Variants in SPC25 observed in about 807,000 individuals in gnomAD.
SPC25 encodes SPC25 component of NDC80 kinetochore complex.
Under a neutral mutation model 29.6 loss-of-function variants are expected in SPC25, and 22 were observed. That is an observed-to-expected ratio of 0.74 (90% confidence interval 0.53 to 1.06). SPC25 has a LOEUF of 1.06. Ranked by LOEUF, SPC25 falls within the 50% of genes least tolerant of loss-of-function variation. The pLI is 0.00. For missense variants in SPC25, 230 were observed against 255.8 expected, an observed-to-expected ratio of 0.90 and a Z score of 0.69; for synonymous variants, 91 against 90.4, an observed-to-expected ratio of 1.01 and a Z score of -0.04.
In SPC25 at chr2:168,877,366, T is replaced by TTA. The variant is rs755152932; in HGVS notation, c.216_217dup (p.Lys73IlefsTer12). ...GTTATCCTTTTTTTCTTGAATGAGCTTATTTTGCCTGCTGATCTCTGTAAG... is the reference window on the plus strand; with the variant it reads ...GTTATCCTTTTTTTCTTGAATGAGCTTATATTTTGCCTGCTGATCTCTGTAAG... On this transcript the variant is annotated frameshift_variant, in exon 4 of 7. Coordinates refer to ENST00000282074, the MANE Select transcript of SPC25 (RefSeq NM_020675.4). LOFTEE classifies it high-confidence loss of function. The TTA allele has an allele frequency of 6.2e-7, 1 of 1,613,786 alleles. No individual in the cohort carries two copies. The highest frequency in any genetic ancestry group is 8.5e-7 in the Non-Finnish European group (1 of 1,179,850).
rs550667926 is a variant in SPC25 at position 168,889,309 on chromosome 2, C to A, written c.134-18G>T. ...CAGCTTTTCTGAAAGAGAAATTGAA[C>A]TTTCAATTCAGCTGCAATAACACTA... is the stretch of plus-strand genomic sequence containing the variant. On this transcript the variant is annotated intron_variant, in intron 2 of 6. Transcript: ENST00000282074. 31 of 1,613,472 alleles carry A rather than the reference C, an allele frequency of 1.9e-5. No individual in the cohort carries two copies. Among genetic ancestry groups the A allele is most frequent in the Admixed American group, 8.3e-5 (5 of 59,952 alleles).
chr2:168,882,220 T>C (rs947280645), intron 3 of SPC25, among the ~76,000 whole-genome samples: 4 of 152,254 alleles, frequency 2.6e-5, no homozygotes, highest in Admixed American at 2.6e-4. Flanking sequence ...AAATCCAAAA[T>C]AAATTCTTTA....
At chr2:168,864,658 G>A (rs1458043875) in intron 4 of SPC25, among the ~76,000 whole-genome samples, 1 of 152,222 alleles carries the variant, frequency 6.6e-6, no homozygotes, top group Non-Finnish European at 1.5e-5. Context: ...GTATCCTCTG[G>A]ATTATGCCTG....
At chr2:168,886,583 G>A (rs376558200) in intron 3 of SPC25, among the ~76,000 whole-genome samples, 4 of 151,000 alleles carry the variant, frequency 2.6e-5, no homozygotes, top group South Asian at 2.1e-4. Context: ...GCAGTGGCGC[G>A]ATCTGGGCTC....
At chr2:168,862,048 G>A (rs777318269) in intron 4 of SPC25, 2 of 1,613,454 alleles carry the variant, frequency 1.2e-6, no homozygotes, top group Non-Finnish European at 1.7e-6. Context: ...ATTTGGAAAA[G>A]GGTAAGAATC....
At chr2:168,889,762 G>T (rs1382906264) in intron 1 of SPC25, among the ~76,000 whole-genome samples, 1 of 152,146 alleles carries the variant, frequency 6.6e-6, no homozygotes, top group Non-Finnish European at 1.5e-5. Flanking sequence ...GTAGGTAAGT[G>T]TAACTGCACA....
At chr2:168,868,760 T>A (rs199758074), downstream of SPC25, among the ~76,000 whole-genome samples, 2 of 152,240 alleles carry the variant, frequency 1.3e-5, no homozygotes, top group South Asian at 4.2e-4. Flanking sequence ...GATTCACAGC[T>A]GAATTCTACC....
chr2:168,876,014 C>T, intron 5 of SPC25, 58 bp downstream of exon 5: 1 of 996,062 alleles, frequency 1.0e-6, no homozygotes, highest in East Asian at 3.2e-5. Flanking sequence ...TTTTCCTCTA[C>T]TTAAGAAAAG....
chr2:168,888,931 G>A (rs1404257915), intron 3 of SPC25, among the ~76,000 whole-genome samples: 2 of 42,684 alleles, frequency 4.7e-5, no homozygotes, highest in African/African-American at 2.3e-4. Context: ...GTACGTGTGT[G>A]TGTGTGTGTG....
chr2:168,873,355 T>C (rs1169997894), intron 6 of SPC25, among the ~76,000 whole-genome samples: 1 of 152,208 alleles, frequency 6.6e-6, no homozygotes, highest in Admixed American at 6.5e-5. Context: ...TCAGACACTG[T>C]GGCACTGTGC....
rs761368376 is a variant in SPC25 at position 168,877,225 on chromosome 2, A to G, written c.346+13T>C. 1.9e-6 allele frequency: 3 copies of G among 1,611,314 alleles called. No individual in the cohort carries two copies. The South Asian group carries it at 3.3e-5, about 18-fold the overall frequency. ...TCCATTTTAGATCAGTATGTTTATA[A>G]GAGGAAACTTACTTTCCTTCTTCCT... On this transcript the variant is annotated intron_variant, in intron 4 of 6. Coordinates refer to ENST00000282074, the MANE Select transcript of SPC25 (RefSeq NM_020675.4).
chr2:168,871,467 A>G lies in SPC25; in HGVS notation c.639T>C (p.Asn213=), dbSNP rs746449407. 1.9e-6 allele frequency: 3 copies of G among 1,610,632 alleles called. No individual in the cohort carries two copies. The highest frequency in any genetic ancestry group is 2.2e-5 in the East Asian group (1 of 44,706). The stretch of plus-strand genomic sequence containing the variant: ...CCGTGGCAGTAAAAGCTTTCCGAAC[A>G]TTGGCAAGAAAAGCTGAAAAATTGT... ...KTNNFSAFLA[N]VRKAFTATVY... is the part of the protein sequence containing the mutation. The change falls in exon 7 of 7, where the codon AAT becomes AAC. Residue 213 remains asparagine, a synonymous_variant. Transcript: ENST00000282074.
chr2:168,883,190 C>A (rs1690204380), intron 3 of SPC25, among the ~76,000 whole-genome samples: 1 of 150,594 alleles, frequency 6.6e-6, no homozygotes, highest in African/African-American at 2.4e-5. Flanking sequence ...AACAATTTAG[C>A]AATGTGGGAA....
At position 168,889,408 on chromosome 2, in the gene SPC25, C is replaced by G. The variant is rs781700632; in HGVS notation, c.112G>C (p.Asp38His). 26 of 1,614,098 alleles carry G rather than the reference C, an allele frequency of 1.6e-5. No individual in the cohort carries two copies. The South Asian group carries it at 2.7e-4, about 17-fold the overall frequency. The part of the protein sequence containing the change: ...QMAGLRDTYK[D>H]SIKAFAEKLS... ...GTACCTGCAAATGCTTTGATGGAAT[C>G]CTTGTAGGTATCTCTTAGTCCCGCC... is the stretch of plus-strand genomic sequence containing the variant. Residue 38 changes from aspartate (D) to histidine (H), a missense_variant, in exon 2 of 7, where the codon GAT (aspartate) becomes CAT (histidine). By Grantham distance (81) the Asp-to-His change is moderately conservative (BLOSUM62 -1). Transcript: ENST00000282074.
intron 3 of SPC25, among the ~76,000 whole-genome samples, chr2:168,880,529 A>G (rs1200817503): frequency 2.0e-5 from 3 of 152,178 alleles, no homozygotes; most frequent in African/African-American, 7.2e-5. Context: ...AGGCCACTAA[A>G]ATTTTCTCTA....
chr2:168,861,960 C>G (rs777228397), intron 4 of SPC25: 4 of 1,613,954 alleles, frequency 2.5e-6, no homozygotes, highest in Non-Finnish European at 3.4e-6. Context: ...TCTATTTCAG[C>G]CCCTGGTGCA....
chr2:168,865,190 G>A (rs1279096036), intron 4 of SPC25: 2 of 538,154 alleles, frequency 3.7e-6, no homozygotes, highest in Non-Finnish European at 6.5e-6. Flanking sequence ...TTGGTTCCTA[G>A]AGGAGTTTCC....
chr2:168,885,883 G>A (rs1198478891), intron 3 of SPC25, among the ~76,000 whole-genome samples: 1 of 152,046 alleles, frequency 6.6e-6, no homozygotes, highest in Non-Finnish European at 1.5e-5. Context: ...GTTGTTGTGA[G>A]GATTCATGAG....
chr2:168,874,838 G>A (rs1024365892), intron 5 of SPC25, among the ~76,000 whole-genome samples: 1 of 152,232 alleles, frequency 6.6e-6, no homozygotes, highest in Admixed American at 6.5e-5. Context: ...TTGAAAGCTT[G>A]TGCCAGGTTT....
Sources: allele counts gnomAD v4.1 joint callset (sites outside exome capture counted in the v4.1 genomes callset), GRCh38; gene constraint gnomAD v4.1.1; transcripts MANE v1.5; gene names NCBI Gene and HGNC (gene_info 2026-07-23, HGNC 2026-07-21).